Variants in GPC3 observed in about 807,000 individuals in gnomAD.
GPC3 encodes glypican 3, also known as glypican-3.
A neutral mutation model predicts 34.4 loss-of-function variants in GPC3; 3 were observed. The observed-to-expected ratio is 0.09, with a 90% confidence interval of 0.04 to 0.23. The LOEUF is 0.23. Ranked by LOEUF, GPC3 falls within the 10% of genes least tolerant of loss-of-function variation. The probability of loss-of-function intolerance (pLI) is 1.00; values close to 1 mark genes in which losing one functional copy is unlikely to be tolerated. For missense variants in GPC3, 351 were observed against 445.6 expected, an observed-to-expected ratio of 0.79 and a Z score of 1.91; for synonymous variants, 177 against 174.0, an observed-to-expected ratio of 1.02 and a Z score of -0.13.
intron 2 of GPC3, among the ~76,000 whole-genome samples, chrX:133,833,612 G>A (rs1194616913): frequency 1.8e-5 from 2 of 111,397 alleles, no homozygotes; most frequent in South Asian, 7.6e-4. Context: ...AGAGCATCTG[G>A]GGGAAATTCA....
chrX:133,542,602 C>T (rs2069351186), intron 7 of GPC3, among the ~76,000 whole-genome samples: 1 of 112,323 alleles, frequency 8.9e-6, no homozygotes, highest in Non-Finnish European at 1.9e-5. Flanking sequence ...GGGTTTCTTA[C>T]TTGCCAAGCT....
intron 3 of GPC3, among the ~76,000 whole-genome samples, chrX:133,715,110 A>C (rs1483696126): frequency 2.7e-5 from 3 of 112,177 alleles, no homozygotes; most frequent in Non-Finnish European, 5.6e-5. Flanking sequence ...CCATTTAATC[A>C]GCTGTCAGTG....
At chrX:133,737,634 G>A (rs745996125) in intron 3 of GPC3, among the ~76,000 whole-genome samples, 1 of 111,608 alleles carries the variant, frequency 9.0e-6, no homozygotes, top group Admixed American at 9.5e-5. Flanking sequence ...ATTCCATATG[G>A]TCTCAATGGC....
chrX:133,854,977 A>G (rs2075893082), intron 2 of GPC3, among the ~76,000 whole-genome samples: 1 of 112,627 alleles, frequency 8.9e-6, no homozygotes, highest in African/African-American at 3.2e-5. Context: ...AGAACTATAT[A>G]TATACAGCAT....
chrX:133,919,137 C>T (rs2076236817), intron 2 of GPC3, among the ~76,000 whole-genome samples: 1 of 111,018 alleles, frequency 9.0e-6, no homozygotes, highest in Non-Finnish European at 1.9e-5. Context: ...CTTTTGCCTC[C>T]ATTGCACCAC....
intron 5 of GPC3, among the ~76,000 whole-genome samples, chrX:133,670,660 G>A (rs190627013): frequency 3.6e-5 from 4 of 111,936 alleles, no homozygotes; most frequent in Non-Finnish European, 5.6e-5. Context: ...TCCTTGGAAC[G>A]CATTCTGGCC....
At position 133,982,409 on chromosome X, in the gene GPC3, C is replaced by G. The variant is rs750239631; in HGVS notation, c.175+2866G>C. Among the ~76,000 whole-genome samples, 7 of 111,543 alleles carry G rather than the reference C, an allele frequency of 6.3e-5. No individual in the cohort carries two copies. In the East Asian group the frequency reaches 2.0e-3, roughly 31 times the overall value. On this transcript the variant is annotated intron_variant, in intron 1 of 7. Transcript: ENST00000370818. Reference sequence around the variant, plus strand: ...TGAAGAGATCTATGGATTTTGGGGACATGCTATTTAGAACTGCTATCCTGT... The same window carrying G: ...TGAAGAGATCTATGGATTTTGGGGAGATGCTATTTAGAACTGCTATCCTGT...
At position 133,985,324 on chromosome X, in the gene GPC3, G is replaced by A. The variant is rs1345541727; in HGVS notation, c.126C>T (p.Phe42=). 2 of 1,210,336 alleles carry A rather than the reference G, an allele frequency of 1.7e-6. No homozygotes were observed. The highest frequency in any genetic ancestry group is 1.1e-6 in the Non-Finnish European group (1 of 894,824). Residue 42 remains phenylalanine (F), a synonymous_variant, in exon 1 of 8, where the codon TTC becomes TTT. Transcript: ENST00000370818. ...ACTTGAGTCCGGGCTGCAGTCTCTG[G>A]AAGAAGGAGCGGACTTGGTGACAGG... ...DATCHQVRSF[F]QRLQPGLKWV...
intron 7 of GPC3, among the ~76,000 whole-genome samples, chrX:133,568,549 T>TGGCTAGA (rs768093247): frequency 1.3e-3 from 150 of 112,091 alleles, no homozygotes; most frequent in African/African-American, 4.3e-3. Flanking sequence ...AATTCATAAG[T>TGGCTAGA]GGCTATGCTG....
At chrX:133,686,725 C>T (rs73559365) in intron 5 of GPC3, among the ~76,000 whole-genome samples, 196 of 108,071 alleles carry the variant, frequency 1.8e-3, no homozygotes, top group African/African-American at 5.8e-3. Context: ...GCCACTGAAT[C>T]GTATACCCTA....
intron 7 of GPC3, among the ~76,000 whole-genome samples, chrX:133,593,374 AAT>A (rs1329915563): frequency 9.3e-6 from 1 of 107,405 alleles, no homozygotes; most frequent in Non-Finnish European, 1.9e-5. Flanking sequence ...AAAAAAAAGA[AAT>A]AAACATAGGC....
intron 5 of GPC3, among the ~76,000 whole-genome samples, chrX:133,681,567 T>G (rs761793113): frequency 8.9e-6 from 1 of 112,217 alleles, no homozygotes; most frequent in Non-Finnish European, 1.9e-5. Flanking sequence ...ACTGTGCCAG[T>G]AGCAGCAAAG....
intron 6 of GPC3, among the ~76,000 whole-genome samples, chrX:133,641,626 G>A (rs1355829743): frequency 1.8e-5 from 2 of 111,592 alleles, no homozygotes; most frequent in African/African-American, 6.5e-5. Context: ...CAAACACAGA[G>A]GAAGGTCTGG....
intron 7 of GPC3, among the ~76,000 whole-genome samples, chrX:133,554,314 T>A (rs2069465894): frequency 1.0e-5 from 1 of 100,382 alleles, no homozygotes; most frequent in African/African-American, 3.7e-5. Flanking sequence ...ATCTGGCAAT[T>A]TTTTTTTTTT....
intron 3 of GPC3, among the ~76,000 whole-genome samples, chrX:133,748,992 T>C (rs1486422131): frequency 8.9e-6 from 1 of 111,824 alleles, no homozygotes; most frequent in Non-Finnish European, 1.9e-5. Context: ...GCACGGTGGC[T>C]CACACCTGTA....
chrX:133,638,129 G>C (rs1376346071), intron 6 of GPC3, among the ~76,000 whole-genome samples: 2 of 111,503 alleles, frequency 1.8e-5, no homozygotes, highest in Non-Finnish European at 3.8e-5. Flanking sequence ...GTATGGGTCA[G>C]AAAAACTTCC....
intron 2 of GPC3, among the ~76,000 whole-genome samples, chrX:133,797,966 A>G (rs188469046): frequency 6.2e-5 from 7 of 112,049 alleles, no homozygotes; most frequent in Non-Finnish European, 1.1e-4. Context: ...CTGAAGAAAA[A>G]TTATAATAAG....
At chrX:133,745,161 TA>T (rs1282590245) in intron 3 of GPC3, among the ~76,000 whole-genome samples, 2 of 111,639 alleles carry the variant, frequency 1.8e-5, no homozygotes, top group Non-Finnish European at 3.8e-5. Context: ...AAAGTTTATT[TA>T]AAAAAAGGCA....
At chrX:133,754,198 AGACAC>A in intron 2 of GPC3, 22 bp from the exon 3 acceptor site, 2 of 998,175 alleles carry the variant, frequency 2.0e-6, no homozygotes, top group Non-Finnish European at 2.8e-6. Flanking sequence ...AAAAAAAAAG[AGACAC>A]AAAAATGTGT....
Sources: allele counts gnomAD v4.1 joint callset (sites outside exome capture counted in the v4.1 genomes callset), GRCh38; gene constraint gnomAD v4.1.1; transcripts MANE v1.5; gene names NCBI Gene and HGNC (gene_info 2026-07-23, HGNC 2026-07-21).